Variants in SLC8A1 observed in about 807,000 individuals in gnomAD.
SLC8A1 encodes the protein solute carrier family 8 member A1.
Under a neutral mutation model 68.3 loss-of-function variants are expected in SLC8A1, and 18 were observed. The ratio of observed to expected loss-of-function variants is 0.26; its 90% confidence interval spans 0.18 to 0.39. The LOEUF is 0.39. Among genes scored for constraint, SLC8A1 ranks in the 10% least tolerant of loss-of-function variants. SLC8A1 has a pLI of 1.00. For missense variants in SLC8A1, 985 were observed against 1,156.7 expected, an observed-to-expected ratio of 0.85 and a Z score of 2.15; for synonymous variants, 475 against 415.5, an observed-to-expected ratio of 1.14 and a Z score of -1.74.
intron 2 of SLC8A1, among the ~76,000 whole-genome samples, chr2:40,308,645 G>GAA (rs5830619): frequency 0.01 from 1,517 of 151,132 alleles, 11 homozygotes; most frequent in African/African-American, 0.027. Flanking sequence ...TTCTCTGTTG[G>GAA]AAAAAAAAAT....
At chr2:40,403,150 T>A (rs1193298457) in intron 2 of SLC8A1, among the ~76,000 whole-genome samples, 2 of 152,214 alleles carry the variant, frequency 1.3e-5, no homozygotes, top group African/African-American at 4.8e-5. Flanking sequence ...TTAATCCTCA[T>A]TGAATATGAA....
At chr2:40,339,417 A>G (rs887754460) in intron 2 of SLC8A1, among the ~76,000 whole-genome samples, 2 of 152,198 alleles carry the variant, frequency 1.3e-5, no homozygotes, top group Non-Finnish European at 2.9e-5. Context: ...GTTACAGAGA[A>G]GTTGAGGGCT....
chr2:40,380,847 C>A (rs746313760), intron 2 of SLC8A1, among the ~76,000 whole-genome samples: 3 of 152,100 alleles, frequency 2.0e-5, no homozygotes, highest in Non-Finnish European at 4.4e-5. Flanking sequence ...AGGTGTCCTA[C>A]TTCTTCAGGG....
intron 3 of SLC8A1, among the ~76,000 whole-genome samples, chr2:40,177,266 A>G (rs1423775200): frequency 6.6e-6 from 1 of 152,194 alleles, no homozygotes; most frequent in Non-Finnish European, 1.5e-5. Flanking sequence ...TTCTCCAAAG[A>G]AGCCTAATTA....
intron 7 of SLC8A1, among the ~76,000 whole-genome samples, chr2:40,135,524 C>G (rs1411085506): frequency 1.3e-5 from 2 of 151,850 alleles, no homozygotes; most frequent in East Asian, 3.9e-4. Context: ...TTGAGACCAG[C>G]CTGACCAATA....
intron 2 of SLC8A1, among the ~76,000 whole-genome samples, chr2:40,266,873 T>C (rs1487134910): frequency 6.6e-6 from 1 of 152,200 alleles, no homozygotes; most frequent in East Asian, 1.9e-4. Context: ...TTAACAGGCA[T>C]GACTGGCTTA....
chr2:40,371,908 C>T (rs972732797), intron 2 of SLC8A1, among the ~76,000 whole-genome samples: 2 of 152,004 alleles, frequency 1.3e-5, no homozygotes, highest in African/African-American at 4.8e-5. Flanking sequence ...TCTCCTGGGC[C>T]AGGCACTGAG....
chr2:40,445,847 T>C (rs1048471835), intron 1 of SLC8A1, among the ~76,000 whole-genome samples: 1 of 152,208 alleles, frequency 6.6e-6, no homozygotes, highest in African/African-American at 2.4e-5. Context: ...TTGAAACTTC[T>C]GAGAGACATT....
intron 2 of SLC8A1, among the ~76,000 whole-genome samples, chr2:40,355,012 G>A (rs1254426655): frequency 6.6e-6 from 1 of 152,108 alleles, no homozygotes; most frequent in Non-Finnish European, 1.5e-5. Flanking sequence ...CTGTTAATAA[G>A]CACTTTAAAA....
chr2:40,301,024 A>AT (rs2071359114), intron 2 of SLC8A1, among the ~76,000 whole-genome samples: 1 of 152,058 alleles, frequency 6.6e-6, no homozygotes, highest in African/African-American at 2.4e-5. Flanking sequence ...GATCCCTACA[A>AT]TTTTTTGGAT....
intron 2 of SLC8A1, among the ~76,000 whole-genome samples, chr2:40,421,516 C>G (rs1387368535): frequency 6.6e-6 from 1 of 152,166 alleles, no homozygotes; most frequent in Non-Finnish European, 1.5e-5. Flanking sequence ...AATCAAAAAA[C>G]TATATCTGGA....
chr2:40,248,149 GAT>G lies in SLC8A1; in HGVS notation c.1809-70296_1809-70295del, dbSNP rs574844462. On this transcript the variant is annotated intron_variant, in intron 2 of 7. Coordinates refer to ENST00000406785, the Ensembl canonical transcript of SLC8A1. ...ATTTCTACACTTTTGATGACATTAAGATATGTTAAGAGGCCTGAATGTTCTCA... is the reference window on the plus strand; with the variant it reads ...ATTTCTACACTTTTGATGACATTAAGATGTTAAGAGGCCTGAATGTTCTCA... 2.9e-3 allele frequency among the ~76,000 whole-genome samples: 436 copies of G among 152,278 alleles called. 3 individuals are homozygous for G. The highest frequency in any genetic ancestry group is 0.017 in the South Asian group (82 of 4,828).
At chr2:40,162,184 G>A (rs1237603869) in intron 5 of SLC8A1, among the ~76,000 whole-genome samples, 2 of 152,204 alleles carry the variant, frequency 1.3e-5, no homozygotes, top group South Asian at 2.1e-4. Flanking sequence ...AACTGCTGGT[G>A]CCCCTGATAA....
intron 1 of SLC8A1, among the ~76,000 whole-genome samples, chr2:40,445,739 G>A (rs1054385420): frequency 3.3e-5 from 5 of 152,156 alleles, no homozygotes; most frequent in Non-Finnish European, 7.3e-5. Context: ...GAGGAGTCAG[G>A]GGAAAAGAAG....
chr2:40,191,197 TTTTCTGC>T (rs2051754799), intron 2 of SLC8A1, among the ~76,000 whole-genome samples: 2 of 152,146 alleles, frequency 1.3e-5, no homozygotes, highest in African/African-American at 4.8e-5. Context: ...ATGCCTCCTG[TTTTCTGC>T]TTTCTGCTGC....
intron 2 of SLC8A1, among the ~76,000 whole-genome samples, chr2:40,262,162 C>G (rs1446847254): frequency 6.6e-6 from 1 of 152,106 alleles, no homozygotes; most frequent in Non-Finnish European, 1.5e-5. Context: ...GGGGTTTCAC[C>G]ATGTTGGCCA....
chr2:40,432,425 A>G (rs4557030), intron 1 of SLC8A1, among the ~76,000 whole-genome samples: 89,884 of 137,462 alleles, frequency 0.65, 30,575 homozygotes, highest in East Asian at 0.93. Flanking sequence ...GTGTGTGTGT[A>G]TGTGTCAGTG....
intron 2 of SLC8A1, among the ~76,000 whole-genome samples, chr2:40,307,152 CACACACACACACACACACAAACACAT>C (rs1254720185): frequency 4.0e-5 from 6 of 151,010 alleles, no homozygotes; most frequent in Admixed American, 1.3e-4. Context: ...GATATACACA[CACACACACACACACACACAAACACAT>C]ACACACACAC....
chr2:40,331,626 C>T (rs1279068410), intron 2 of SLC8A1, among the ~76,000 whole-genome samples: 1 of 151,812 alleles, frequency 6.6e-6, no homozygotes, highest in Non-Finnish European at 1.5e-5. Flanking sequence ...CGGAGTCTCG[C>T]TCTGTCGCCC....
Sources: gnomAD v4.1 joint callset for allele counts (sites outside exome capture counted in the v4.1 genomes callset) on GRCh38, gnomAD v4.1.1 for gene constraint, MANE v1.5 for transcripts, NCBI Gene and HGNC (gene_info 2026-07-23, HGNC 2026-07-21) for gene names.